CALCR: variants seen among roughly 807,000 people sequenced by gnomAD.
CALCR encodes the protein calcitonin receptor.
A neutral mutation model predicts 59.5 loss-of-function variants in CALCR; 47 were observed. The ratio of observed to expected loss-of-function variants is 0.79; its 90% CI spans 0.63 to 1.01. The LOEUF is 1.01. Ranked by LOEUF, CALCR falls within the 50% of genes least tolerant of loss-of-function variation. CALCR has a pLI of 0.00. For synonymous variants in CALCR, 213 were observed against 211.3 expected (o/e 1.01, Z -0.07); for missense variants, 566 against 597.1 (o/e 0.95, Z 0.54).
intron 3 of CALCR, among the ~76,000 whole-genome samples, chr7:93,486,140 A>T (rs1800938883): frequency 6.6e-6 from 1 of 151,554 alleles, no homozygotes; most frequent in African/African-American, 2.4e-5. Flanking sequence ...ACTGTAATTT[A>T]TTAGCAAATG....
rs778882276 is a variant in CALCR, at chr7:93,486,958, C to A, written c.24G>T (p.Arg8=). 1.3e-6 allele frequency: 2 copies of A among 1,599,752 alleles called. No individual in the cohort carries two copies. The highest frequency in any genetic ancestry group is 4.5e-5 in the East Asian group (2 of 44,498). Residue 8 remains arginine, a synonymous_variant, in exon 3 of 14, where the codon CGG becomes CGT. Coordinates refer to ENST00000426151, the MANE Select transcript of CALCR (RefSeq NM_001742.4). MRFTFTS[R]CLALFLLLNH... is the part of the protein sequence containing the mutation. Reference sequence around the variant, plus strand: ...TTAGAAGAAGAAACAGTGCCAAGCACCGGCTTGTAAATGTGAACCTCATTT... The same window carrying A: ...TTAGAAGAAGAAACAGTGCCAAGCAACGGCTTGTAAATGTGAACCTCATTT...
At chr7:93,454,303 G>GA (rs1446255438) in intron 8 of CALCR, among the ~76,000 whole-genome samples, 2 of 151,790 alleles carry the variant, frequency 1.3e-5, no homozygotes, top group Non-Finnish European at 2.9e-5. Flanking sequence ...CAATCGTTCT[G>GA]AAAAAATAAA....
At chr7:93,488,304 A>G (rs1047531695) in intron 2 of CALCR, among the ~76,000 whole-genome samples, 15 of 151,666 alleles carry the variant, frequency 9.9e-5, no homozygotes, top group African/African-American at 3.6e-4. Context: ...CTGCAAAAAC[A>G]CACCAAAATA....
At chr7:93,437,937 C>T in intron 11 of CALCR, 123 bp downstream of exon 11, 1 of 932,300 alleles carries the variant, frequency 1.1e-6, no homozygotes, top group Non-Finnish European at 1.6e-6. Context: ...TTTTTTACTA[C>T]AGAATACCAT....
chr7:93,493,284 C>T (rs141371685), intron 2 of CALCR, among the ~76,000 whole-genome samples: 1 of 151,464 alleles, frequency 6.6e-6, no homozygotes, highest in Admixed American at 6.6e-5. Flanking sequence ...CACACCACCA[C>T]ATTGGCAAAT....
chr7:93,505,580 C>T (rs1169958629), intron 2 of CALCR, among the ~76,000 whole-genome samples: 1 of 152,134 alleles, frequency 6.6e-6, no homozygotes. Context: ...CTTTCTCTCC[C>T]GTCTTCTCAA....
At chr7:93,507,432 C>G (rs962738320) in intron 2 of CALCR, among the ~76,000 whole-genome samples, 1 of 151,908 alleles carries the variant, frequency 6.6e-6, no homozygotes, top group African/African-American at 2.4e-5. Context: ...GGAGCCAGGA[C>G]AGAAAAGAAC....
rs946133054 is a variant in CALCR, at chr7:93,572,708, C to A, written c.-27+1581G>T. ...CTGATTAGAGCAAATGCTCTCCATC[C>A]ACCATCAATCATTACCTCCAGTTTC... On this transcript the variant is annotated intron_variant, in intron 2 of 13. Transcript: ENST00000426151. 2.0e-5 allele frequency among the ~76,000 whole-genome samples: 3 copies of A among 152,096 alleles called. No homozygotes were observed. The East Asian group carries it at 5.8e-4, about 29-fold the overall frequency.
intron 2 of CALCR, among the ~76,000 whole-genome samples, chr7:93,560,314 G>C (rs1374470670): frequency 6.6e-6 from 1 of 152,030 alleles, no homozygotes; most frequent in African/African-American, 2.4e-5. Flanking sequence ...CTACCCTAGA[G>C]AGATGACGTC....
chr7:93,522,417 C>T (rs1801784096), intron 2 of CALCR, among the ~76,000 whole-genome samples: 1 of 152,074 alleles, frequency 6.6e-6, no homozygotes, highest in Admixed American at 6.6e-5. Flanking sequence ...CCCTCTAGGT[C>T]CTTCAAGGGC....
intron 2 of CALCR, among the ~76,000 whole-genome samples, chr7:93,509,356 G>C (rs1801496740): frequency 6.6e-6 from 1 of 152,038 alleles, no homozygotes; most frequent in Non-Finnish European, 1.5e-5. Context: ...ATATTATCTG[G>C]AAAGGAAAAG....
chr7:93,477,701 C>T (rs1212005822), intron 4 of CALCR, 33 bp from the exon 5 acceptor site: 1 of 1,352,722 alleles, frequency 7.4e-7, no homozygotes, highest in Non-Finnish European at 1.1e-6. Context: ...ATATTGAAGC[C>T]TTGTGGATTT....
At position 93,537,685 on chromosome 7, in the gene CALCR, C is replaced by T. The variant is rs142503149; in HGVS notation, c.-27+36604G>A. ...CCATGAAACACATTTTACAAACTTC[C>T]TATCCTTGTTTTGATTATACATGTG... On this transcript the variant is annotated intron_variant, in intron 2 of 13. Transcript: ENST00000426151. Among the ~76,000 whole-genome samples, 5 of 151,734 alleles carry T rather than the reference C, an allele frequency of 3.3e-5. No homozygotes were observed. In the South Asian group the frequency reaches 1.0e-3, roughly 31 times the overall value.
At chr7:93,431,977 C>T (rs1799667945) in intron 13 of CALCR, among the ~76,000 whole-genome samples, 1 of 152,122 alleles carries the variant, frequency 6.6e-6, no homozygotes, top group African/African-American at 2.4e-5. Flanking sequence ...TAATCAATGT[C>T]CACTCACTTG....
chr7:93,572,282 C>T (rs1346377478), intron 2 of CALCR, among the ~76,000 whole-genome samples: 2 of 151,890 alleles, frequency 1.3e-5, no homozygotes, highest in Non-Finnish European at 2.9e-5. Flanking sequence ...TTATTTTTAT[C>T]AAAAGCCTCC....
intron 7 of CALCR, among the ~76,000 whole-genome samples, chr7:93,465,413 C>A (rs575158674): frequency 9.9e-5 from 15 of 152,014 alleles, no homozygotes; most frequent in African/African-American, 3.6e-4. Context: ...TCTTGCTGAA[C>A]TAATTTGATG....
intron 2 of CALCR, among the ~76,000 whole-genome samples, chr7:93,517,725 A>G (rs1044944458): frequency 2.6e-5 from 4 of 151,966 alleles, no homozygotes; most frequent in African/African-American, 9.7e-5. Context: ...AGTGTGGCTC[A>G]TTGACCTCTT....
intron 11 of CALCR, 91 bp downstream of exon 11, chr7:93,437,968 GT>G: frequency 9.0e-7 from 1 of 1,111,242 alleles, no homozygotes; most frequent in Non-Finnish European, 1.3e-6. Context: ...TCATTTTGAA[GT>G]TATAAAACAT....
chr7:93,568,766 A>G (rs2116288405), intron 2 of CALCR, among the ~76,000 whole-genome samples: 1 of 152,132 alleles, frequency 6.6e-6, no homozygotes, highest in African/African-American at 2.4e-5. Flanking sequence ...GTCAGCTGAA[A>G]TAGATTCACT....
Sources: allele counts gnomAD v4.1 joint callset (sites outside exome capture counted in the v4.1 genomes callset), GRCh38; gene constraint gnomAD v4.1.1; transcripts MANE v1.5; gene names NCBI Gene and HGNC (gene_info 2026-07-23, HGNC 2026-07-21).